The following PTPN11 variants were observed in gnomAD, a reference collection of about 807,000 sequenced individuals.
PTPN11 encodes the protein tyrosine-protein phosphatase non-receptor type 11.
PTPN11 carries 6 observed loss-of-function variants against 78.8 expected under a neutral mutation model. The observed-to-expected ratio is 0.08, with a 90% CI of 0.04 to 0.15. The LOEUF (loss-of-function observed/expected upper bound fraction) is 0.15. Ranked by LOEUF, PTPN11 falls within the 10% of genes least tolerant of loss-of-function variation. PTPN11 has a pLI of 1.00. For missense variants in PTPN11, 386 were observed against 744.8 expected (o/e 0.52, Z 5.61); for synonymous variants, 221 against 263.5 (o/e 0.84, Z 1.56).
chr12:112,420,056 C>T (rs1251777641), intron 1 of PTPN11, among the ~76,000 whole-genome samples: 3 of 152,226 alleles, frequency 2.0e-5, no homozygotes, highest in Non-Finnish European at 4.4e-5. Context: ...CCTAACCTCA[C>T]AGCTAGTAGG....
chr12:112,443,834 T>G (rs776720143), intron 1 of PTPN11, among the ~76,000 whole-genome samples: 1 of 151,818 alleles, frequency 6.6e-6, no homozygotes, highest in Non-Finnish European at 1.5e-5. Context: ...TATATTTTTT[T>G]GTAGAGACTG....
intron 2 of PTPN11, 97 bp from the exon 3 acceptor site, chr12:112,450,221 A>C: frequency 8.5e-7 from 1 of 1,172,548 alleles, no homozygotes; most frequent in East Asian, 2.3e-5. Flanking sequence ...GTTTCTTTCA[A>C]CACTTAGGTA....
At chr12:112,469,169 T>C (rs1231704202) in intron 6 of PTPN11, among the ~76,000 whole-genome samples, 2 of 152,182 alleles carry the variant, frequency 1.3e-5, no homozygotes, top group African/African-American at 4.8e-5. Flanking sequence ...ACTCTGAATT[T>C]AGTCTGGCAA....
intron 5 of PTPN11, 61 bp from the exon 6 acceptor site, chr12:112,455,889 G>A: frequency 4.0e-6 from 2 of 495,940 alleles, no homozygotes; most frequent in Non-Finnish European, 3.3e-6. Context: ...TTTTTTTTTT[G>A]CATTAACACC....
intron 2 of PTPN11, among the ~76,000 whole-genome samples, chr12:112,450,042 C>T (rs777828536): frequency 6.7e-6 from 1 of 149,938 alleles, no homozygotes; most frequent in Non-Finnish European, 1.5e-5. Flanking sequence ...ACCGAGATCA[C>T]GTCATTGCAC....
intron 1 of PTPN11, 150 bp from the exon 2 acceptor site, chr12:112,446,126 G>C: frequency 2.1e-6 from 2 of 956,880 alleles, no homozygotes; most frequent in Non-Finnish European, 3.2e-6. Flanking sequence ...CATTGACCAA[G>C]GAGAAGAGGG....
chr12:112,450,140 T>G (rs1027084225), intron 2 of PTPN11, among the ~76,000 whole-genome samples, 178 bp from the exon 3 acceptor site: 4 of 152,122 alleles, frequency 2.6e-5, no homozygotes, highest in African/African-American at 9.7e-5. Flanking sequence ...GACCTTTGTG[T>G]TGAGTTGGTT....
At chr12:112,459,623 T>C (rs897694674) in intron 6 of PTPN11, among the ~76,000 whole-genome samples, 2 of 151,374 alleles carry the variant, frequency 1.3e-5, no homozygotes, top group Non-Finnish European at 1.5e-5. Flanking sequence ...TGTACCACCA[T>C]GCCCAGCTAA....
intron 1 of PTPN11, among the ~76,000 whole-genome samples, chr12:112,442,856 A>ATG (rs1230310571): frequency 2.0e-5 from 2 of 97,854 alleles, no homozygotes; most frequent in Admixed American, 1.3e-4. Context: ...ATATATATAT[A>ATG]TATATATATA....
At chr12:112,423,890 A>G (rs1032827362) in intron 1 of PTPN11, among the ~76,000 whole-genome samples, 5 of 151,742 alleles carry the variant, frequency 3.3e-5, no homozygotes, top group African/African-American at 1.2e-4. Flanking sequence ...GGGACTGACT[A>G]CAGGCACGTG....
At chr12:112,439,792 A>C (rs868509996) in intron 1 of PTPN11, among the ~76,000 whole-genome samples, 3 of 139,052 alleles carry the variant, frequency 2.2e-5, no homozygotes, top group East Asian at 3.9e-4. Flanking sequence ...TTTAAAAAAA[A>C]AAACAAAAAC....
chr12:112,436,838 CT>C (rs2037799864), intron 1 of PTPN11, among the ~76,000 whole-genome samples: 1 of 151,882 alleles, frequency 6.6e-6, no homozygotes, highest in African/African-American at 2.4e-5. Flanking sequence ...TTTAAAGACC[CT>C]CAAATTGCAA....
intron 1 of PTPN11, among the ~76,000 whole-genome samples, chr12:112,435,750 A>C (rs2037779235): frequency 6.6e-6 from 1 of 151,892 alleles, no homozygotes; most frequent in Non-Finnish European, 1.5e-5. Context: ...CCTGAAGTAG[A>C]CAGTCACTGA....
intron 3 of PTPN11, among the ~76,000 whole-genome samples, chr12:112,451,098 T>C (rs1031971109): frequency 6.6e-6 from 1 of 152,248 alleles, no homozygotes; most frequent in Non-Finnish European, 1.5e-5. Flanking sequence ...TTGACTTATT[T>C]ATTGATTGTA....
chr12:112,445,726 C>G (rs1236436448), intron 1 of PTPN11, among the ~76,000 whole-genome samples: 1 of 151,366 alleles, frequency 6.6e-6, no homozygotes, highest in African/African-American at 2.4e-5. Flanking sequence ...ACCGCAACCT[C>G]TGCCTCCTGG....
chr12:112,483,790 G>T (rs1426612155), intron 10 of PTPN11, among the ~76,000 whole-genome samples: 1 of 152,174 alleles, frequency 6.6e-6, no homozygotes, highest in Non-Finnish European at 1.5e-5. Context: ...CAGGGATTCA[G>T]TGAAGGAGTG....
intron 1 of PTPN11, among the ~76,000 whole-genome samples, chr12:112,432,668 C>CA (rs558861452): frequency 0.039 from 2,353 of 60,046 alleles, 103 homozygotes; most frequent in South Asian, 0.3. Flanking sequence ...AACTCCATCT[C>CA]AAAAAAAAAA....
chr12:112,485,705 G>T (rs2038663512), intron 10 of PTPN11, among the ~76,000 whole-genome samples: 1 of 151,996 alleles, frequency 6.6e-6, no homozygotes, highest in African/African-American at 2.4e-5. Flanking sequence ...GGCCAGGCTG[G>T]GTGGCTCACG....
Position 112,509,624 on chromosome 12 carries a change from A to G in PTPN11, c.*3832A>G, listed in dbSNP as rs941380117. 4 of 152,654 alleles carry G rather than the reference A, an allele frequency of 2.6e-5. No homozygotes were observed. The highest frequency in any genetic ancestry group is 9.6e-5 in the African/African-American group (4 of 41,464). 9.5% of individuals were successfully genotyped at this position (152,654 alleles called of 1,614,324 possible). Reference sequence around the variant, plus strand: ...CATCATTTTGATGTGAATCATGTAAATGTTGATAATATGCTGTTTATTATA... The same window carrying G: ...CATCATTTTGATGTGAATCATGTAAGTGTTGATAATATGCTGTTTATTATA... On this transcript the variant is annotated 3_prime_UTR_variant, in exon 16 of 16. Transcript: ENST00000351677.
Sources: gnomAD v4.1 joint callset for allele counts (sites outside exome capture counted in the v4.1 genomes callset) on GRCh38, gnomAD v4.1.1 for gene constraint, MANE v1.5 for transcripts, NCBI Gene and HGNC (gene_info 2026-07-23, HGNC 2026-07-21) for gene names.